Variants in RALGAPA2 observed in about 807,000 individuals in gnomAD.
RALGAPA2 encodes the protein ral GTPase-activating protein subunit alpha-2.
RALGAPA2 carries 139 observed loss-of-function variants against 230.4 expected under a neutral mutation model. The ratio of observed to expected loss-of-function variants is 0.60; its 90% CI spans 0.53 to 0.69. RALGAPA2 has a LOEUF of 0.69. Ranked by LOEUF, RALGAPA2 falls within the 30% of genes least tolerant of loss-of-function variation. The pLI is 0.00. For missense variants in RALGAPA2, 2,163 were observed against 2,276.0 expected, an observed-to-expected ratio of 0.95 and a Z score of 1.01; for synonymous variants, 847 against 837.8, an observed-to-expected ratio of 1.01 and a Z score of -0.19.
intron 30 of RALGAPA2, 49 bp from the exon 31 acceptor site, chr20:20,521,149 C>T (rs1485933164): frequency 6.1e-6 from 9 of 1,478,760 alleles, no homozygotes; most frequent in Admixed American, 3.8e-5. Flanking sequence ...CACCGCGTGT[C>T]CCCTGACAAT....
chr20:20,397,728 A>T (rs181682967), intron 38 of RALGAPA2, among the ~76,000 whole-genome samples: 3 of 152,366 alleles, frequency 2.0e-5, no homozygotes, highest in Admixed American at 2.0e-4. Context: ...TCCAGCAGCC[A>T]TCAGGAGGTG....
chr20:20,654,835 G>A (rs192013603), intron 3 of RALGAPA2, among the ~76,000 whole-genome samples: 37 of 152,048 alleles, frequency 2.4e-4, no homozygotes, highest in Non-Finnish European at 4.7e-4. Context: ...TCTCCATAAC[G>A]GCTGCACTAA....
At chr20:20,680,973 T>C (rs954103984) in intron 1 of RALGAPA2, among the ~76,000 whole-genome samples, 172 bp from the exon 2 acceptor site, 9 of 152,212 alleles carry the variant, frequency 5.9e-5, no homozygotes, top group Admixed American at 4.6e-4. Flanking sequence ...GAGTTCTTAC[T>C]TGAACCTTGA....
At chr20:20,490,242 C>A (rs1910455140) in intron 36 of RALGAPA2, among the ~76,000 whole-genome samples, 2 of 152,134 alleles carry the variant, frequency 1.3e-5, no homozygotes, top group African/African-American at 4.8e-5. Flanking sequence ...TAGGGAATTC[C>A]TCTAATTAGA....
At chr20:20,434,363 C>T (rs900897882) in intron 37 of RALGAPA2, among the ~76,000 whole-genome samples, 7 of 151,942 alleles carry the variant, frequency 4.6e-5, no homozygotes, top group Admixed American at 4.6e-4. Flanking sequence ...AAGTTCAAAG[C>T]CTGATGAGAT....
At chr20:20,639,711 G>T in intron 7 of RALGAPA2, 74 bp downstream of exon 7, 1 of 1,025,758 alleles carries the variant, frequency 9.7e-7, no homozygotes. Flanking sequence ...GATACACAGA[G>T]GGAAAAGAGG....
At chr20:20,708,337 T>C (rs1259231435) in intron 1 of RALGAPA2, among the ~76,000 whole-genome samples, 1 of 152,220 alleles carries the variant, frequency 6.6e-6, no homozygotes, top group Non-Finnish European at 1.5e-5. Context: ...AACGTTGATA[T>C]GATTTGGCTG....
At chr20:20,416,298 G>A (rs2122810031) in intron 37 of RALGAPA2, among the ~76,000 whole-genome samples, 1 of 152,296 alleles carries the variant, frequency 6.6e-6, no homozygotes, top group African/African-American at 2.4e-5. Context: ...AGAGTTCTGT[G>A]TCAGGCTCCA....
At chr20:20,649,889 C>A (rs2067337888) in intron 4 of RALGAPA2, among the ~76,000 whole-genome samples, 1 of 152,100 alleles carries the variant, frequency 6.6e-6, no homozygotes, top group African/African-American at 2.4e-5. Flanking sequence ...CTAATTATTG[C>A]CCAGAAATGA....
At chr20:20,468,831 TCC>T (rs1469433771) in intron 37 of RALGAPA2, among the ~76,000 whole-genome samples, 2 of 151,852 alleles carry the variant, frequency 1.3e-5, no homozygotes, top group Non-Finnish European at 2.9e-5. Context: ...TTAGTCCACC[TCC>T]TTTACCTAGA....
intron 36 of RALGAPA2, among the ~76,000 whole-genome samples, chr20:20,494,645 T>C (rs1371889019): frequency 2.0e-5 from 3 of 152,196 alleles, no homozygotes; most frequent in African/African-American, 7.2e-5. Flanking sequence ...TTCGTGGACA[T>C]GCCTGCAATT....
chr20:20,627,012 T>C (rs898832202), intron 10 of RALGAPA2, among the ~76,000 whole-genome samples: 3 of 152,194 alleles, frequency 2.0e-5, no homozygotes, highest in African/African-American at 7.2e-5. Flanking sequence ...ACCTTTCACA[T>C]GTACAACAGG....
chr20:20,576,173 C>T (rs2064814402), intron 20 of RALGAPA2, among the ~76,000 whole-genome samples: 3 of 151,954 alleles, frequency 2.0e-5, no homozygotes, highest in Middle Eastern at 6.8e-3. Flanking sequence ...CCATATACTC[C>T]GTATCTAATT....
intron 37 of RALGAPA2, among the ~76,000 whole-genome samples, chr20:20,415,018 C>A (rs532249192): frequency 6.6e-6 from 1 of 152,216 alleles, no homozygotes; most frequent in Non-Finnish European, 1.5e-5. Context: ...GCTCTGGCAG[C>A]GTTTAGAAAC....
chr20:20,417,254 T>C (rs2060185692), intron 37 of RALGAPA2, among the ~76,000 whole-genome samples: 1 of 152,208 alleles, frequency 6.6e-6, no homozygotes, highest in African/African-American at 2.4e-5. Context: ...TTATGTTAGT[T>C]TTCTGTGGCT....
chr20:20,703,974 G>A (rs2069499979), intron 1 of RALGAPA2, among the ~76,000 whole-genome samples: 1 of 151,484 alleles, frequency 6.6e-6, no homozygotes, highest in Non-Finnish European at 1.5e-5. Flanking sequence ...ACTCCCTAAG[G>A]AAAAAAAACA....
chr20:20,572,400 G>A (rs371930685), intron 21 of RALGAPA2, among the ~76,000 whole-genome samples: 25 of 148,372 alleles, frequency 1.7e-4, no homozygotes, highest in Middle Eastern at 3.6e-3. Context: ...CCAAGATGGC[G>A]CCACTGCACT....
intron 2 of RALGAPA2, among the ~76,000 whole-genome samples, chr20:20,677,628 C>CTTTTTTTT (rs1568741580): frequency 2.5e-5 from 3 of 121,840 alleles, no homozygotes; most frequent in African/African-American, 3.4e-5. Flanking sequence ...TGATTTGACC[C>CTTTTTTTT]ATTTTTTTTT....
intron 23 of RALGAPA2, among the ~76,000 whole-genome samples, chr20:20,560,916 A>T (rs1424945888): frequency 1.3e-5 from 2 of 152,232 alleles, no homozygotes; most frequent in Non-Finnish European, 2.9e-5. Flanking sequence ...CTGAAGGCCT[A>T]ACTATCTTTC....
Sources: allele counts gnomAD v4.1 joint callset (sites outside exome capture counted in the v4.1 genomes callset), GRCh38; gene constraint gnomAD v4.1.1; transcripts MANE v1.5; gene names NCBI Gene and HGNC (gene_info 2026-07-23, HGNC 2026-07-21).